Variants in WDR70 observed in about 807,000 individuals in gnomAD.
The protein encoded by WDR70 is WD repeat domain 70.
WDR70 carries 53 observed loss-of-function variants against 88.6 expected under a neutral mutation model. The observed-to-expected ratio is 0.60, with a 90% CI of 0.48 to 0.75. The LOEUF (loss-of-function observed/expected upper bound fraction) is 0.75. Among genes scored for constraint, WDR70 ranks in the 30% least tolerant of loss-of-function variants. The pLI is 0.00. For missense variants in WDR70, 610 were observed against 823.2 expected (o/e 0.74, Z 3.17); for synonymous variants, 280 against 270.0 (o/e 1.04, Z -0.36).
chr5:37,555,023 A>G (rs1347526707), intron 9 of WDR70, among the ~76,000 whole-genome samples: 2 of 152,200 alleles, frequency 1.3e-5, no homozygotes, highest in East Asian at 3.8e-4. Context: ...TATTATGATT[A>G]TTGATAACAT....
chr5:37,748,987 G>A (rs971154980), intron 17 of WDR70, among the ~76,000 whole-genome samples: 4 of 152,186 alleles, frequency 2.6e-5, no homozygotes, highest in African/African-American at 9.7e-5. Context: ...GGAGAAATAG[G>A]AACACTTTTA....
chr5:37,559,983 TTG>T (rs1742451064), intron 9 of WDR70, among the ~76,000 whole-genome samples: 2 of 152,208 alleles, frequency 1.3e-5, no homozygotes, highest in African/African-American at 4.8e-5. Flanking sequence ...CTCATGAGCT[TTG>T]TGTTATTGTA....
chr5:37,487,627 A>ATTTTTTTTTT (rs70978825), intron 8 of WDR70, among the ~76,000 whole-genome samples: 2 of 69,068 alleles, frequency 2.9e-5, no homozygotes, highest in African/African-American at 1.0e-4. Flanking sequence ...ATATATATGT[A>ATTTTTTTTTT]TTTTTTTTTT....
rs114104962 is a variant in WDR70 at position 37,669,781 on chromosome 5, G to T, written c.1093-27874G>T. ...AGAATGGAATATTGAATATCCATCA[G>T]CTGATGAATGGATAAATAAAATGTG... On this transcript the variant is annotated intron_variant, in intron 10 of 17. Transcript: ENST00000265107. Among the ~76,000 whole-genome samples, 722 of 152,310 alleles carry T rather than the reference G, an allele frequency of 4.7e-3. 4 individuals are homozygous for T. Among genetic ancestry groups the T allele is most frequent in the Middle Eastern group, 0.01 (3 of 294 alleles).
chr5:37,390,809 C>A (rs145229151), intron 3 of WDR70, among the ~76,000 whole-genome samples: 1 of 150,320 alleles, frequency 6.7e-6, no homozygotes, highest in African/African-American at 2.4e-5. Flanking sequence ...CTCCACCTCT[C>A]GGGTTCAAGC....
At chr5:37,675,873 A>G (rs1258914422) in intron 10 of WDR70, among the ~76,000 whole-genome samples, 1 of 152,080 alleles carries the variant, frequency 6.6e-6, no homozygotes, top group Non-Finnish European at 1.5e-5. Context: ...TGAGCATGGA[A>G]TGTTCTTCCA....
chr5:37,710,797 G>T (rs1747488987), intron 13 of WDR70, among the ~76,000 whole-genome samples: 2 of 152,054 alleles, frequency 1.3e-5, no homozygotes, highest in South Asian at 2.1e-4. Context: ...TAGATTTTTT[G>T]TTTTTATTTA....
At chr5:37,592,921 A>G (rs1428907039) in intron 9 of WDR70, among the ~76,000 whole-genome samples, 5 of 152,214 alleles carry the variant, frequency 3.3e-5, no homozygotes, top group Non-Finnish European at 7.3e-5. Context: ...TTGGCAGACC[A>G]AGGCAGGAGG....
At chr5:37,646,206 C>T (rs748098868) in intron 10 of WDR70, among the ~76,000 whole-genome samples, 1 of 151,938 alleles carries the variant, frequency 6.6e-6, no homozygotes, top group Non-Finnish European at 1.5e-5. Flanking sequence ...AAACTGGTGG[C>T]AACTTAACAC....
At chr5:37,591,073 C>G (rs1037935939) in intron 9 of WDR70, among the ~76,000 whole-genome samples, 5 of 152,138 alleles carry the variant, frequency 3.3e-5, no homozygotes, top group African/African-American at 1.2e-4. Flanking sequence ...TGATGGCTCA[C>G]CCCTGTAATT....
intron 9 of WDR70, among the ~76,000 whole-genome samples, chr5:37,559,592 C>CCTAGCACTTCGGGGGGA (rs1388838303): frequency 6.6e-6 from 1 of 152,148 alleles, no homozygotes; most frequent in Non-Finnish European, 1.5e-5. Context: ...CGCCTGTAAT[C>CCTAGCACTTCGGGGGGA]CTAGCACTTC....
At chr5:37,384,606 G>A (rs1242796402) in intron 3 of WDR70, among the ~76,000 whole-genome samples, 1 of 135,692 alleles carries the variant, frequency 7.4e-6, no homozygotes, top group Non-Finnish European at 1.5e-5. Context: ...CTTGCAGTGA[G>A]CCGAGATCTT....
intron 10 of WDR70, among the ~76,000 whole-genome samples, chr5:37,638,899 A>T (rs1745038664): frequency 6.6e-6 from 1 of 152,210 alleles, no homozygotes; most frequent in African/African-American, 2.4e-5. Flanking sequence ...TATTAGCTTC[A>T]ATTATCTTTA....
intron 10 of WDR70, among the ~76,000 whole-genome samples, chr5:37,640,154 A>T (rs1056836378): frequency 2.6e-5 from 4 of 151,990 alleles, no homozygotes; most frequent in African/African-American, 4.8e-5. Flanking sequence ...TATATTTTAA[A>T]TTTTTTTTAT....
intron 8 of WDR70, among the ~76,000 whole-genome samples, chr5:37,501,138 T>C (rs1261566915): frequency 6.6e-6 from 1 of 152,148 alleles, no homozygotes; most frequent in Non-Finnish European, 1.5e-5. Flanking sequence ...GAGTTCCTCG[T>C]AGATTCTGGA....
At chr5:37,635,867 G>A (rs1231711079) in intron 10 of WDR70, among the ~76,000 whole-genome samples, 1 of 152,088 alleles carries the variant, frequency 6.6e-6, no homozygotes, top group Non-Finnish European at 1.5e-5. Context: ...TTATCCTCAT[G>A]CTGTTCCTGT....
At chr5:37,586,446 C>A (rs1245636076) in intron 9 of WDR70, among the ~76,000 whole-genome samples, 1 of 152,038 alleles carries the variant, frequency 6.6e-6, no homozygotes, top group Non-Finnish European at 1.5e-5. Context: ...TTCTGGGATA[C>A]ATGTGCAGAA....
intron 17 of WDR70, among the ~76,000 whole-genome samples, chr5:37,744,139 G>A (rs1017163445): frequency 1.3e-5 from 2 of 152,142 alleles, no homozygotes; most frequent in Non-Finnish European, 2.9e-5. Context: ...GATGAATGGA[G>A]CCTGAAGTGA....
chr5:37,439,313 T>C (rs1278011985), intron 6 of WDR70, among the ~76,000 whole-genome samples: 3 of 149,832 alleles, frequency 2.0e-5, no homozygotes, highest in Admixed American at 6.7e-5. Flanking sequence ...TAATTCTTAA[T>C]ATATTTATTT....
Sources: allele counts gnomAD v4.1 joint callset (sites outside exome capture counted in the v4.1 genomes callset), GRCh38; gene constraint gnomAD v4.1.1; transcripts MANE v1.5; gene names NCBI Gene and HGNC (gene_info 2026-07-23, HGNC 2026-07-21).